GPR39: variants seen among roughly 807,000 people sequenced by gnomAD.
GPR39 encodes the protein G protein-coupled receptor 39.
Under a neutral mutation model 18.4 loss-of-function variants are expected in GPR39, and 23 were observed. The observed-to-expected ratio is 1.25, with a 90% CI of 0.90 to 1.77. The LOEUF (loss-of-function observed/expected upper bound fraction) is 1.77. Ranked by LOEUF, GPR39 falls within the 40% of genes most tolerant of loss-of-function variation. The probability of loss-of-function intolerance (pLI) is 0.00; values close to 1 mark genes in which losing one functional copy is unlikely to be tolerated. For synonymous variants in GPR39, 280 were observed against 257.9 expected, an observed-to-expected ratio of 1.09 and a Z score of -0.82; for missense variants, 647 against 602.4, an observed-to-expected ratio of 1.07 and a Z score of -0.78.
At chr2:132,497,321 G>T (rs1681660880) in intron 1 of GPR39, among the ~76,000 whole-genome samples, 1 of 149,572 alleles carries the variant, frequency 6.7e-6, no homozygotes, top group Non-Finnish European at 1.5e-5. Flanking sequence ...TTCCTTTAAG[G>T]TTTTTCCTAT....
At chr2:132,607,542 G>A (rs1194576062) in intron 1 of GPR39, among the ~76,000 whole-genome samples, 1 of 152,126 alleles carries the variant, frequency 6.6e-6, no homozygotes, top group Non-Finnish European at 1.5e-5. Context: ...AGAGAACCTT[G>A]AGGGAGGTTC....
Position 132,453,656 on chromosome 2 carries a change from A to G in GPR39, c.856+35758A>G, listed in dbSNP as rs1017477619. Among the ~76,000 whole-genome samples, 4 of 152,184 alleles carry G rather than the reference A, an allele frequency of 2.6e-5. No homozygotes were observed. In the South Asian group the frequency reaches 8.3e-4, roughly 31 times the overall value. On this transcript the variant is annotated intron_variant, in intron 1 of 1. Coordinates refer to ENST00000329321, the MANE Select transcript of GPR39 (RefSeq NM_001508.3). ...TAATCCATCTTGAATTAATTTTTGT[A>G]TAAGGTGTAATGAAGGGATCCAGTT...
intron 1 of GPR39, among the ~76,000 whole-genome samples, chr2:132,563,132 A>G (rs1680284956): frequency 6.6e-6 from 1 of 152,174 alleles, no homozygotes; most frequent in South Asian, 2.1e-4. Flanking sequence ...CTAATTTTCA[A>G]AAGGGGAGTG....
intron 1 of GPR39, among the ~76,000 whole-genome samples, chr2:132,469,932 C>T (rs961217931): frequency 2.6e-5 from 4 of 152,132 alleles, no homozygotes; most frequent in Non-Finnish European, 4.4e-5. Flanking sequence ...GCAAAGTTGC[C>T]CACTCTCAGA....
chr2:132,637,554 A>G (rs1681786399), intron 1 of GPR39, among the ~76,000 whole-genome samples: 1 of 152,226 alleles, frequency 6.6e-6, no homozygotes, highest in South Asian at 2.1e-4. Flanking sequence ...CCAAATCCCA[A>G]CAGTTCTTCT....
At chr2:132,438,970 C>A (rs556581560) in intron 1 of GPR39, among the ~76,000 whole-genome samples, 3 of 152,264 alleles carry the variant, frequency 2.0e-5, no homozygotes, top group Non-Finnish European at 2.9e-5. Context: ...ACATGTGGCG[C>A]ATAAGTGATT....
intron 1 of GPR39, among the ~76,000 whole-genome samples, chr2:132,639,271 A>G (rs1681818556): frequency 6.7e-6 from 1 of 148,852 alleles, no homozygotes. Flanking sequence ...AAGGGGGATA[A>G]GGGCTGGGGG....
At chr2:132,620,913 C>T (rs1414543296) in intron 1 of GPR39, among the ~76,000 whole-genome samples, 9 of 152,054 alleles carry the variant, frequency 5.9e-5, no homozygotes, top group African/African-American at 9.7e-5. Flanking sequence ...CCACCACGCC[C>T]GGCTAATTTT....
intron 1 of GPR39, among the ~76,000 whole-genome samples, chr2:132,625,081 T>A (rs531856297): frequency 6.6e-6 from 1 of 152,218 alleles, no homozygotes; most frequent in African/African-American, 2.4e-5. Flanking sequence ...AATTTTTTTT[T>A]TTTTTTTGCT....
chr2:132,554,971 A>C (rs1378568824), intron 1 of GPR39, among the ~76,000 whole-genome samples: 2 of 150,300 alleles, frequency 1.3e-5, no homozygotes, highest in African/African-American at 4.9e-5. Flanking sequence ...TTTTTTCCTG[A>C]GATGGAGTCT....
chr2:132,630,105 C>CAGACAT (rs1227198200), intron 1 of GPR39, among the ~76,000 whole-genome samples: 7 of 152,192 alleles, frequency 4.6e-5, no homozygotes, highest in Non-Finnish European at 7.3e-5. Flanking sequence ...ACTGCAGACG[C>CAGACAT]AGACATAGAC....
intron 1 of GPR39, among the ~76,000 whole-genome samples, chr2:132,422,797 G>C (rs757224613): frequency 5.3e-5 from 8 of 151,792 alleles, no homozygotes; most frequent in Non-Finnish European, 1.0e-4. Flanking sequence ...TTATAATCAG[G>C]CTGTCTCAAA....
At position 132,646,332 on chromosome 2, in the gene GPR39, G is replaced by T; in HGVS notation, c.*726G>T. 7.8e-7 allele frequency: 1 copy of T among 1,279,190 alleles called. No homozygotes were observed. The highest frequency in any genetic ancestry group is 1.0e-6 in the Non-Finnish European group (1 of 965,052). The allele number at this position is 1,279,190 out of a possible 1,614,324, so 79.2% of individuals were successfully genotyped here. ...GTTAACGTGCACCGGCAAAAGAATA[G>T]CTGTCCCTCTCAGCCCAAATCCAAA... On this transcript the variant is annotated 3_prime_UTR_variant, in exon 2 of 2. Coordinates refer to ENST00000329321, the MANE Select transcript of GPR39 (RefSeq NM_001508.3).
At chr2:132,439,364 T>C (rs1401683378) in intron 1 of GPR39, among the ~76,000 whole-genome samples, 1 of 152,186 alleles carries the variant, frequency 6.6e-6, no homozygotes, top group East Asian at 1.9e-4. Flanking sequence ...TCAAACATCA[T>C]TGAGGCAATA....
chr2:132,601,997 C>G lies in GPR39; in HGVS notation c.857-43104C>G, dbSNP rs536518848. On this transcript the variant is annotated intron_variant, in intron 1 of 1. Transcript: ENST00000329321. ...ACTACCCAAAGCAAGCTACAGATCT[C>G]TATCAAAATACCAATGACATTCTTC... is the stretch of plus-strand genomic sequence containing the variant. Among the ~76,000 whole-genome samples, 189 of 151,576 alleles carry G rather than the reference C, an allele frequency of 1.2e-3. 1 individual carries two copies. The highest frequency in any genetic ancestry group is 4.4e-3 in the African/African-American group (182 of 41,328).
intron 1 of GPR39, among the ~76,000 whole-genome samples, chr2:132,594,369 A>G (rs545691328): frequency 6.6e-6 from 1 of 152,132 alleles, no homozygotes; most frequent in Non-Finnish European, 1.5e-5. Context: ...GTGTATGTGA[A>G]TGTGCCTGTG....
chr2:132,591,932 G>T (rs548266878), intron 1 of GPR39, among the ~76,000 whole-genome samples: 17 of 152,348 alleles, frequency 1.1e-4, no homozygotes, highest in African/African-American at 3.4e-4. Flanking sequence ...TGTGTGTTTG[G>T]TGTATGGTCA....
intron 1 of GPR39, among the ~76,000 whole-genome samples, chr2:132,581,237 G>A (rs1680616813): frequency 1.3e-5 from 2 of 151,950 alleles, no homozygotes; most frequent in Non-Finnish European, 2.9e-5. Context: ...GAGCAAGAAA[G>A]GCTAGTTAGC....
chr2:132,608,166 T>C (rs927769303), intron 1 of GPR39, among the ~76,000 whole-genome samples: 1 of 152,234 alleles, frequency 6.6e-6, no homozygotes, highest in Non-Finnish European at 1.5e-5. Context: ...ATCAGTTTGA[T>C]TTTCAACATT....
Sources: gnomAD v4.1 joint callset for allele counts (sites outside exome capture counted in the v4.1 genomes callset) on GRCh38, gnomAD v4.1.1 for gene constraint, MANE v1.5 for transcripts, NCBI Gene and HGNC (gene_info 2026-07-23, HGNC 2026-07-21) for gene names.